The following NFAM1 variants were observed in gnomAD, a reference collection of about 807,000 sequenced individuals.
NFAM1 encodes NFAT activation molecule 1.
NFAM1 carries 17 observed loss-of-function variants against 29.0 expected under a neutral mutation model. The observed-to-expected ratio is 0.59, with a 90% CI of 0.40 to 0.88. NFAM1 has a LOEUF of 0.88. Among genes scored for constraint, NFAM1 ranks in the 40% least tolerant of loss-of-function variants. The pLI is 0.00. For synonymous variants in NFAM1, 175 were observed against 147.2 expected, an observed-to-expected ratio of 1.19 and a Z score of -1.36; for missense variants, 324 against 344.6, an observed-to-expected ratio of 0.94 and a Z score of 0.47.
chr22:42,425,844 G>A (rs987222581), intron 1 of NFAM1, among the ~76,000 whole-genome samples: 9 of 152,120 alleles, frequency 5.9e-5, no homozygotes, highest in African/African-American at 1.9e-4. Flanking sequence ...TGCCTCAGGC[G>A]AGCTCAGTCA....
intron 4 of NFAM1, among the ~76,000 whole-genome samples, chr22:42,397,035 C>A (rs1929552800): frequency 6.7e-6 from 1 of 150,144 alleles, no homozygotes; most frequent in African/African-American, 2.5e-5. Context: ...CCTGGCGGTG[C>A]CAGATCTCAC....
intron 1 of NFAM1, among the ~76,000 whole-genome samples, chr22:42,425,194 T>G (rs1930584978): frequency 6.6e-6 from 1 of 152,086 alleles, no homozygotes; most frequent in Non-Finnish European, 1.5e-5. Context: ...AAGTGCGGGA[T>G]TACAGGTGTG....
In NFAM1 at chr22:42,411,445, G is replaced by A. The variant is rs770295267; in HGVS notation, c.413C>T (p.Ser138Phe). ...TYYCSVHWPH[S>F]TVRGSGTFIL... Reference sequence around the variant, plus strand: ...GAAGGTGCCGCTGCCTCTCACCGTGGAGTGTGGCCAGTGGACAGAGCAGTA... The same window carrying A: ...GAAGGTGCCGCTGCCTCTCACCGTGAAGTGTGGCCAGTGGACAGAGCAGTA... The change falls in exon 2 of 6, where the codon TCC becomes TTC. Residue 138 changes from serine to phenylalanine, a missense_variant. Ser to Phe is a radical substitution (Grantham distance 155). Transcript: ENST00000329021. The A allele has an allele frequency of 1.2e-6, 2 of 1,614,156 alleles. No individual in the cohort carries two copies. Among genetic ancestry groups the A allele is most frequent in the Admixed American group, 1.7e-5 (1 of 60,018 alleles).
At chr22:42,423,112 CAA>C (rs71184892) in intron 1 of NFAM1, among the ~76,000 whole-genome samples, 16 of 75,658 alleles carry the variant, frequency 2.1e-4, no homozygotes, top group Admixed American at 1.7e-4. Context: ...GACTCCATCT[CAA>C]AAAAAAAAAA....
In NFAM1 at chr22:42,419,989, G is replaced by GTTTTTTTTTTTTTTTTTTTTTTTTT. The variant is rs1491236869; in HGVS notation, c.122-8254_122-8253insAAAAAAAAAAAAAAAAAAAAAAAAA. On this transcript the variant is annotated intron_variant, in intron 1 of 5. Transcript: ENST00000329021. This position sits in a 1 kb window ranked among gnomAD's most constrained non-coding sequence, Gnocchi z 4.5. The stretch of plus-strand genomic sequence containing the variant: ...CCTTTGAGTCTGTAATCCCACTCTT[G>GTTTTTTTTTTTTTTTTTTTTTTTTT]GTTTTTTTTTTTTTTTTTTTTTTTT... Among the ~76,000 whole-genome samples the GTTTTTTTTTTTTTTTTTTTTTTTTT allele has an allele frequency of 2.7e-4, 15 of 56,526 alleles. 7 individuals are homozygous for GTTTTTTTTTTTTTTTTTTTTTTTTT. The highest frequency in any genetic ancestry group is 3.0e-4 in the Non-Finnish European group (9 of 29,688). 37.1% of individuals were successfully genotyped at this position (56,526 alleles called of 152,430 possible).
chr22:42,426,974 C>T (rs974999585), intron 1 of NFAM1, among the ~76,000 whole-genome samples: 16 of 152,112 alleles, frequency 1.1e-4, no homozygotes, highest in Non-Finnish European at 2.1e-4. Flanking sequence ...ATGCTGAGCA[C>T]CCAGGCGGGG....
Position 42,419,710 on chromosome 22 carries a change from C to G in NFAM1, c.122-7974G>C, listed in dbSNP as rs1013606766. 1.3e-5 allele frequency among the ~76,000 whole-genome samples: 2 copies of G among 152,206 alleles called. No individual in the cohort carries two copies. Among genetic ancestry groups the G allele is most frequent in the Non-Finnish European group, 2.9e-5 (2 of 68,050 alleles). On this transcript the variant is annotated intron_variant, in intron 1 of 5. Coordinates refer to ENST00000329021, the MANE Select transcript of NFAM1 (RefSeq NM_145912.8). The surrounding 1 kb of genome is among the most constrained non-coding windows in gnomAD (Gnocchi z 4.5). ...TTCCGGCTGTGCGGAATGTCCTACC[C>G]ATTCCTTCCTCTCCTGGGCTTTGGG... is the stretch of plus-strand genomic sequence containing the variant.
intron 3 of NFAM1, among the ~76,000 whole-genome samples, chr22:42,405,140 G>T (rs1929852605): frequency 6.6e-6 from 1 of 152,154 alleles, no homozygotes; most frequent in Non-Finnish European, 1.5e-5. Context: ...TCAAGCCCAG[G>T]GCTCTGAGCT....
chr22:42,434,926 G>A (rs1930904960), upstream of NFAM1, among the ~76,000 whole-genome samples: 1 of 152,192 alleles, frequency 6.6e-6, no homozygotes, highest in Non-Finnish European at 1.5e-5. Context: ...ACAGTATACT[G>A]AACACCTGCC....
intron 4 of NFAM1, among the ~76,000 whole-genome samples, chr22:42,394,019 C>G (rs1236945442): frequency 6.6e-6 from 1 of 151,836 alleles, no homozygotes; most frequent in Non-Finnish European, 1.5e-5. Flanking sequence ...ATAAAATATT[C>G]CATATCCTTA....
rs1488221817 is a variant in NFAM1 at position 42,409,892 on chromosome 22, G to A, written c.452-345C>T. Among the ~76,000 whole-genome samples, 1 of 152,176 alleles carries A rather than the reference G, an allele frequency of 6.6e-6. No individual in the cohort carries two copies. Among genetic ancestry groups the A allele is most frequent in the East Asian group, 1.9e-4 (1 of 5,176 alleles). On this transcript the variant is annotated intron_variant, in intron 2 of 5. Transcript: ENST00000329021. The surrounding 1 kb of genome is among the most constrained non-coding windows in gnomAD (Gnocchi z 4.9). Reference sequence around the variant, plus strand: ...CCTGTGTGAGGTGGTGATAATACGGGTGGATGTGGCTAGGGCTGAAGGAGG... The same window carrying A: ...CCTGTGTGAGGTGGTGATAATACGGATGGATGTGGCTAGGGCTGAAGGAGG...
At position 42,409,615 on chromosome 22, in the gene NFAM1, G is replaced by A. The variant is rs1930015730; in HGVS notation, c.452-68C>T. Reference sequence around the variant, plus strand: ...AGAAAGCGGGGCACACACACCTGATGTTCTCCCTCACTCAGGACCCTGTTT... The same window carrying A: ...AGAAAGCGGGGCACACACACCTGATATTCTCCCTCACTCAGGACCCTGTTT... On this transcript the variant is annotated intron_variant, in intron 2 of 5. Coordinates refer to ENST00000329021, the MANE Select transcript of NFAM1 (RefSeq NM_145912.8). The surrounding 1 kb of genome is among the most constrained non-coding windows in gnomAD (Gnocchi z 4.9). 5.7e-6 allele frequency: 4 copies of A among 696,226 alleles called. No individual in the cohort carries two copies. The highest frequency in any genetic ancestry group is 1.9e-5 in the African/African-American group (1 of 54,018). 43.1% of individuals were successfully genotyped at this position (696,226 alleles called of 1,614,324 possible). A position where few individuals can be genotyped will look rare whatever the true frequency, so the allele number is the denominator to read the frequency against.
intron 1 of NFAM1, among the ~76,000 whole-genome samples, chr22:42,415,818 A>C (rs1273466515): frequency 6.6e-6 from 1 of 152,196 alleles, no homozygotes; most frequent in East Asian, 1.9e-4. Flanking sequence ...AATTCTTTTC[A>C]GCTGTCATTT....
At chr22:42,390,986 A>G (rs1304071028) in intron 4 of NFAM1, among the ~76,000 whole-genome samples, 1 of 152,118 alleles carries the variant, frequency 6.6e-6, no homozygotes, top group African/African-American at 2.4e-5. Context: ...ACAGACCTCC[A>G]CTTCAAGGGA....
At chr22:42,404,200 A>G (rs1213997520) in intron 3 of NFAM1, among the ~76,000 whole-genome samples, 2 of 151,984 alleles carry the variant, frequency 1.3e-5, no homozygotes, top group African/African-American at 4.8e-5. Context: ...CCGGGAGGCA[A>G]TGCCATTCTT....
intron 1 of NFAM1, among the ~76,000 whole-genome samples, chr22:42,412,792 C>T (rs988287687): frequency 6.6e-6 from 1 of 152,194 alleles, no homozygotes; most frequent in Non-Finnish European, 1.5e-5. Context: ...TACAGTATAA[C>T]AGGCAACATC....
chr22:42,408,768 T>C (rs1929981886), intron 3 of NFAM1, among the ~76,000 whole-genome samples: 1 of 152,080 alleles, frequency 6.6e-6, no homozygotes, highest in Non-Finnish European at 1.5e-5. Flanking sequence ...AGAGGTTCCC[T>C]CCCCAGGCAG....
chr22:42,382,341 C>G lies in NFAM1; in HGVS notation c.*2820G>C, dbSNP rs1473850305. ...AACATGCTGGGATTACAGGCATAAG[C>G]CACTACGCCTGGCCTGAGCTGTCTT... On this transcript the variant is annotated 3_prime_UTR_variant, in exon 6 of 6. Transcript: ENST00000329021. The G allele has an allele frequency of 6.6e-6, 1 of 152,254 alleles. No individual in the cohort carries two copies. Among genetic ancestry groups the G allele is most frequent in the East Asian group, 1.9e-4 (1 of 5,186 alleles). 9.4% of individuals were successfully genotyped at this position (152,254 alleles called of 1,614,324 possible). A position where few individuals can be genotyped will look rare whatever the true frequency, so the allele number is the denominator to read the frequency against.
At chr22:42,432,489 G>A, upstream of NFAM1, 6 of 1,339,338 alleles carry the variant, frequency 4.5e-6, no homozygotes, top group Non-Finnish European at 5.9e-6. Context: ...AAGCAAAGCT[G>A]GAACAGCCCA....
Sources: allele counts gnomAD v4.1 joint callset (sites outside exome capture counted in the v4.1 genomes callset), GRCh38; gene constraint gnomAD v4.1.1; non-coding constraint Gnocchi (gnomAD v3.1); transcripts MANE v1.5; gene names NCBI Gene and HGNC (gene_info 2026-07-23, HGNC 2026-07-21).